Variants in RNF8 observed in about 807,000 individuals in gnomAD.
The protein encoded by RNF8 is ring finger protein 8.
RNF8 carries 8 observed loss-of-function variants against 59.3 expected under a neutral mutation model. The ratio of observed to expected loss-of-function variants is 0.13; its 90% CI spans 0.08 to 0.24. RNF8 has a LOEUF of 0.24. Among genes scored for constraint, RNF8 ranks in the 10% least tolerant of loss-of-function variants. RNF8 has a pLI of 1.00. For missense variants in RNF8, 406 were observed against 572.6 expected (o/e 0.71, Z 2.97); for synonymous variants, 162 against 200.0 (o/e 0.81, Z 1.60).
At chr6:37,369,372 G>A (rs187239251) in intron 3 of RNF8, among the ~76,000 whole-genome samples, 154 bp downstream of exon 3, 91 of 152,332 alleles carry the variant, frequency 6.0e-4, no homozygotes, top group East Asian at 2.7e-3. Flanking sequence ...TTTGAGATAA[G>A]GGAAGGGGAT....
chr6:37,391,818 A>T lies in RNF8; in HGVS notation c.*1060A>T, dbSNP rs994542905. The T allele has an allele frequency of 6.6e-6, 1 of 152,200 alleles. No homozygotes were observed. The highest frequency in any genetic ancestry group is 1.5e-5 in the Non-Finnish European group (1 of 68,086). The allele number at this position is 152,200 out of a possible 1,614,324, so 9.4% of individuals were successfully genotyped here. A position where few individuals can be genotyped will look rare whatever the true frequency, so the allele number is the denominator to read the frequency against. ...CAGGCATATGCCATCACACCCAGCT[A>T]ATTTTTGTTTTTCTGTAGAGACAGG... On this transcript the variant is annotated 3_prime_UTR_variant, in exon 8 of 8. Transcript: ENST00000373479.
chr6:37,364,725 G>A (rs1412513569), intron 2 of RNF8, among the ~76,000 whole-genome samples: 4 of 152,116 alleles, frequency 2.6e-5, no homozygotes, highest in African/African-American at 9.7e-5. Flanking sequence ...GAAAGCTTAT[G>A]TTCTCGCAGA....
Position 37,360,755 on chromosome 6 carries a change from A to G in RNF8, c.240+181A>G, listed in dbSNP as rs1769286838. On this transcript the variant is annotated intron_variant, in intron 2 of 7. Coordinates refer to ENST00000373479, the MANE Select transcript of RNF8 (RefSeq NM_003958.4). This position sits in a 1 kb window ranked among gnomAD's most constrained non-coding sequence, Gnocchi z 4.2. ...CTGCCAGAGATTCGATTATGCTAAA[A>G]TAATTTCTCTTGATTTGGGTTAAAG... 6.6e-6 allele frequency among the ~76,000 whole-genome samples: 1 copy of G among 152,184 alleles called. No individual in the cohort carries two copies. The highest frequency in any genetic ancestry group is 2.4e-5 in the African/African-American group (1 of 41,432).
chr6:37,378,600 CA>C (rs554259061), intron 6 of RNF8, among the ~76,000 whole-genome samples: 134 of 56,550 alleles, frequency 2.4e-3, no homozygotes, highest in South Asian at 6.8e-3. Flanking sequence ...GACTCCGTCT[CA>C]AAAAAAAAAA....
intron 2 of RNF8, among the ~76,000 whole-genome samples, chr6:37,367,937 A>AT (rs1251590136): frequency 6.6e-6 from 1 of 152,134 alleles, no homozygotes; most frequent in Non-Finnish European, 1.5e-5. Context: ...TATTGCCCAT[A>AT]TACCCCTGTT....
chr6:37,390,246 A>C (rs195432), intron 7 of RNF8, among the ~76,000 whole-genome samples: 113,825 of 152,198 alleles, frequency 0.75, 43,955 homozygotes, highest in African/African-American at 0.94. Flanking sequence ...AGATGTAATT[A>C]ATGCTATGGA....
chr6:37,391,001 T>C lies in RNF8; in HGVS notation c.*243T>C. 1.6e-6 allele frequency: 1 copy of C among 608,410 alleles called. No individual in the cohort carries two copies. Among genetic ancestry groups the C allele is most frequent in the Non-Finnish European group, 2.9e-6 (1 of 340,480 alleles). The allele number at this position is 608,410 out of a possible 1,614,324, so 37.7% of individuals were successfully genotyped here. A position where few individuals can be genotyped will look rare whatever the true frequency, so the allele number is the denominator to read the frequency against. ...AACTGCTTCAGGGTACTTCGTAGAC[T>C]CTGCCTCACTACATGTCGAAAGAGT... is the stretch of plus-strand genomic sequence containing the variant. On this transcript the variant is annotated 3_prime_UTR_variant, in exon 8 of 8. Transcript: ENST00000373479.
At chr6:37,354,811 C>G (rs1383177595) in intron 1 of RNF8, among the ~76,000 whole-genome samples, 2 of 152,214 alleles carry the variant, frequency 1.3e-5, no homozygotes, top group Non-Finnish European at 2.9e-5. Flanking sequence ...CGCGAGCTGC[C>G]GGGAAGCCGA....
Position 37,392,773 on chromosome 6 carries a change from T to TG in RNF8, c.*2016dup, listed in dbSNP as rs1365835944. The TG allele has an allele frequency of 1.3e-5, 5 of 398,026 alleles. No homozygotes were observed. The highest frequency in any genetic ancestry group is 2.2e-5 in the Non-Finnish European group (5 of 225,990). 24.7% of individuals were successfully genotyped at this position (398,026 alleles called of 1,614,324 possible). On this transcript the variant is annotated 3_prime_UTR_variant, in exon 8 of 8. Transcript: ENST00000373479. Reference sequence around the variant, plus strand: ...AAAACAATGCTGCAGTTAACACCCTTGTACATATATCTTTAGAGAGAAGAT... The same window carrying TG: ...AAAACAATGCTGCAGTTAACACCCTTGGTACATATATCTTTAGAGAGAAGAT...
chr6:37,387,069 T>C (rs1003976708), intron 7 of RNF8, among the ~76,000 whole-genome samples: 2 of 152,194 alleles, frequency 1.3e-5, no homozygotes, highest in Non-Finnish European at 2.9e-5. Flanking sequence ...TAACCCTAGA[T>C]GAACACTGAG....
chr6:37,359,707 G>T (rs767366400), intron 1 of RNF8, among the ~76,000 whole-genome samples: 32 of 152,178 alleles, frequency 2.1e-4, no homozygotes, highest in Non-Finnish European at 4.6e-4. Context: ...GGATACACTG[G>T]CAGTGTACTA....
At chr6:37,354,555 C>T (rs1769038071) in intron 1 of RNF8, among the ~76,000 whole-genome samples, 1 of 151,856 alleles carries the variant, frequency 6.6e-6, no homozygotes. Flanking sequence ...TCTGGGGAGC[C>T]CGGGGGGGCC....
intron 6 of RNF8, among the ~76,000 whole-genome samples, chr6:37,378,951 G>A (rs1341581762): frequency 6.6e-6 from 1 of 152,156 alleles, no homozygotes; most frequent in African/African-American, 2.4e-5. Flanking sequence ...ACAGAATACT[G>A]TCTTATCTAC....
Position 37,360,752 on chromosome 6 carries a change from A to G in RNF8, c.240+178A>G, listed in dbSNP as rs1190442933. On this transcript the variant is annotated intron_variant, in intron 2 of 7. Coordinates refer to ENST00000373479, the MANE Select transcript of RNF8 (RefSeq NM_003958.4). This position sits in a 1 kb window ranked among gnomAD's most constrained non-coding sequence, Gnocchi z 4.2. ...ATGCTGCCAGAGATTCGATTATGCT[A>G]AAATAATTTCTCTTGATTTGGGTTA... 2.0e-5 allele frequency among the ~76,000 whole-genome samples: 3 copies of G among 152,012 alleles called. No individual in the cohort carries two copies. Among genetic ancestry groups the G allele is most frequent in the African/African-American group, 7.2e-5 (3 of 41,380 alleles).
rs901552407 is a variant in RNF8 at position 37,367,757 on chromosome 6, A to G, written c.241-727A>G. 3.9e-5 allele frequency among the ~76,000 whole-genome samples: 6 copies of G among 152,338 alleles called. No individual in the cohort carries two copies. In the East Asian group the frequency reaches 1.2e-3, roughly 29 times the overall value. ...TGTGAGTCATTGTGCTAAGTGATTTACATGCATTATCTTATTCATTCCTCA... is the reference window on the plus strand; with the variant it reads ...TGTGAGTCATTGTGCTAAGTGATTTGCATGCATTATCTTATTCATTCCTCA... On this transcript the variant is annotated intron_variant, in intron 2 of 7. Coordinates refer to ENST00000373479, the MANE Select transcript of RNF8 (RefSeq NM_003958.4).
At chr6:37,374,125 T>C (rs1230427366) in intron 4 of RNF8, among the ~76,000 whole-genome samples, 1 of 152,260 alleles carries the variant, frequency 6.6e-6, no homozygotes, top group Non-Finnish European at 1.5e-5. Context: ...AAATCTTTTT[T>C]ATTTCAATAA....
At position 37,390,710 on chromosome 6, in the gene RNF8, C is replaced by T. The variant is rs773112525; in HGVS notation, c.1442-32C>T. 13 of 1,542,492 alleles carry T rather than the reference C, an allele frequency of 8.4e-6. No individual in the cohort carries two copies. In the East Asian group the frequency reaches 2.7e-4, roughly 32 times the overall value. ...CCACGGAAGGGAAATACAGGCTCCTCATTTATTTATTTCTCTTCTTTTTCT... is the reference window on the plus strand; with the variant it reads ...CCACGGAAGGGAAATACAGGCTCCTTATTTATTTATTTCTCTTCTTTTTCT... On this transcript the variant is annotated intron_variant, in intron 7 of 7. Transcript: ENST00000373479.
chr6:37,393,421 T>C lies in RNF8; in HGVS notation c.*2663T>C, dbSNP rs1484671686. ...TTGGAGAGATATCTGATATTAAACA[T>C]CATCTGCATTTTACTTGCCTAGAAA... On this transcript the variant is annotated 3_prime_UTR_variant, in exon 8 of 8. Transcript: ENST00000373479. The C allele has an allele frequency of 6.6e-6, 1 of 152,250 alleles. No homozygotes were observed. The highest frequency in any genetic ancestry group is 1.9e-4 in the East Asian group (1 of 5,202). 9.4% of individuals were successfully genotyped at this position (152,250 alleles called of 1,614,324 possible).
rs1015003939 is a variant in RNF8 at position 37,365,795 on chromosome 6, G to A, written c.241-2689G>A. Among the ~76,000 whole-genome samples, 3 of 147,444 alleles carry A rather than the reference G, an allele frequency of 2.0e-5. No individual in the cohort carries two copies. The South Asian group carries it at 6.2e-4, about 31-fold the overall frequency. Reference sequence around the variant, plus strand: ...TGAAAACCAACATTAAGAAAGCCTTGAACAGAGCATGATTATTTAAGCCAT... The same window carrying A: ...TGAAAACCAACATTAAGAAAGCCTTAAACAGAGCATGATTATTTAAGCCAT... On this transcript the variant is annotated intron_variant, in intron 2 of 7. Coordinates refer to ENST00000373479, the MANE Select transcript of RNF8 (RefSeq NM_003958.4).
Sources: allele counts gnomAD v4.1 joint callset (sites outside exome capture counted in the v4.1 genomes callset), GRCh38; gene constraint gnomAD v4.1.1; non-coding constraint Gnocchi (gnomAD v3.1); transcripts MANE v1.5; gene names NCBI Gene and HGNC (gene_info 2026-07-23, HGNC 2026-07-21).